PTPRD: variants seen among roughly 807,000 people sequenced by gnomAD.
The protein encoded by PTPRD is protein tyrosine phosphatase receptor type D, also known as receptor-type tyrosine-protein phosphatase delta.
Under a neutral mutation model 214.5 loss-of-function variants are expected in PTPRD, and 34 were observed. The observed-to-expected ratio is 0.16, with a 90% CI of 0.12 to 0.21. The LOEUF (loss-of-function observed/expected upper bound fraction) is 0.21, where lower values mean the gene tolerates loss of function less well. Among genes scored for constraint, PTPRD ranks in the 10% least tolerant of loss-of-function variants. The pLI is 1.00. For missense variants in PTPRD, 2,545 were observed against 2,398.7 expected, an observed-to-expected ratio of 1.06 and a Z score of -1.27; for synonymous variants, 1,128 against 845.7, an observed-to-expected ratio of 1.33 and a Z score of -5.79.
At chr9:9,869,806 G>C (rs2064965846) in intron 5 of PTPRD, among the ~76,000 whole-genome samples, 1 of 151,378 alleles carries the variant, frequency 6.6e-6, no homozygotes, top group African/African-American at 2.4e-5. Context: ...GGAAAAGAAA[G>C]GAGACATGCA....
chr9:8,677,874 G>C (rs1210163432), intron 12 of PTPRD, among the ~76,000 whole-genome samples: 2 of 152,118 alleles, frequency 1.3e-5, no homozygotes, highest in Non-Finnish European at 2.9e-5. Context: ...TAAGATTGAT[G>C]AATCAGAGGA....
chr9:8,341,842 C>T lies in PTPRD; in HGVS notation c.4798G>A (p.Asp1600Asn), dbSNP rs2132508909. The T allele has an allele frequency of 6.2e-7, 1 of 1,613,494 alleles. No homozygotes were observed. The highest frequency in any genetic ancestry group is 8.5e-7 in the Non-Finnish European group (1 of 1,179,706). ...AQRNYMVQTE[D>N]QYIFIHDALL... The stretch of plus-strand genomic sequence containing the variant: ...GCATCATGGATAAAGATGTATTGGT[C>T]TTCTGTTTGAACCATATAGTTCCTC... Residue 1600 changes from aspartate to asparagine, a missense_variant, in exon 40 of 46, where the codon GAC becomes AAC. Physicochemically the swap from Asp to Asn is conservative, Grantham distance 23. Transcript: ENST00000381196.
At chr9:10,013,426 C>G (rs2096640222) in intron 4 of PTPRD, among the ~76,000 whole-genome samples, 1 of 151,752 alleles carries the variant, frequency 6.6e-6, no homozygotes, top group South Asian at 2.1e-4. Flanking sequence ...TTTTTAAACA[C>G]TTAAGACTAT....
chr9:9,417,581 A>G (rs1221012439), intron 8 of PTPRD, among the ~76,000 whole-genome samples: 2 of 152,110 alleles, frequency 1.3e-5, no homozygotes, highest in African/African-American at 2.4e-5. Flanking sequence ...CAGGGTCTTA[A>G]AAAAATTGAA....
chr9:9,863,876 A>T (rs9299102), intron 5 of PTPRD, among the ~76,000 whole-genome samples: 2 of 151,420 alleles, frequency 1.3e-5, no homozygotes, highest in African/African-American at 4.9e-5. Flanking sequence ...GGACCCAAAG[A>T]TTTGATTGAA....
intron 5 of PTPRD, among the ~76,000 whole-genome samples, chr9:9,895,541 T>C (rs1192971546): frequency 6.6e-6 from 1 of 152,054 alleles, no homozygotes; most frequent in African/African-American, 2.4e-5. Flanking sequence ...GAAAAGTTTA[T>C]CTCATAGAAG....
At chr9:8,805,060 T>C (rs1455012377) in intron 11 of PTPRD, among the ~76,000 whole-genome samples, 1 of 152,190 alleles carries the variant, frequency 6.6e-6, no homozygotes, top group African/African-American at 2.4e-5. Flanking sequence ...CTTCATTTCA[T>C]GAGACCTGTG....
At chr9:8,640,561 C>CA (rs201282830) in intron 12 of PTPRD, among the ~76,000 whole-genome samples, 4,839 of 105,320 alleles carry the variant, frequency 0.046, 136 homozygotes, top group African/African-American at 0.11. Flanking sequence ...AACAAAAAAA[C>CA]AAAAAAAAAA....
intron 11 of PTPRD, among the ~76,000 whole-genome samples, chr9:8,837,095 C>T (rs182291640): frequency 1.3e-5 from 2 of 149,598 alleles, no homozygotes; most frequent in Non-Finnish European, 1.5e-5. Flanking sequence ...GTACGATCTC[C>T]GCTCACTCCA....
intron 14 of PTPRD, among the ~76,000 whole-genome samples, chr9:8,571,263 A>G (rs1051038140): frequency 2.0e-5 from 3 of 152,102 alleles, no homozygotes; most frequent in Non-Finnish European, 2.9e-5. Flanking sequence ...AATACTTAAG[A>G]GTTTAGGGTC....
intron 3 of PTPRD, among the ~76,000 whole-genome samples, chr9:10,335,821 C>T (rs147514143): frequency 1.9e-3 from 291 of 151,854 alleles, no homozygotes; most frequent in African/African-American, 6.6e-3. Flanking sequence ...TATATACACA[C>T]GGCAAATAAG....
intron 2 of PTPRD, among the ~76,000 whole-genome samples, chr9:10,592,492 C>T (rs1322291): frequency 0.16 from 24,250 of 151,796 alleles, 2,663 homozygotes; most frequent in East Asian, 0.56. Context: ...ACTTGGGACC[C>T]CAGCTACAGG....
At chr9:9,138,940 G>C (rs772907891) in intron 10 of PTPRD, among the ~76,000 whole-genome samples, 7 of 151,892 alleles carry the variant, frequency 4.6e-5, no homozygotes, top group African/African-American at 1.7e-4. Context: ...CTAAGTAATA[G>C]CATAATAACA....
intron 3 of PTPRD, among the ~76,000 whole-genome samples, chr9:10,321,975 C>A (rs576811540): frequency 6.6e-6 from 1 of 152,098 alleles, no homozygotes; most frequent in South Asian, 2.1e-4. Context: ...TAACTGAAAT[C>A]TTAAATATAA....
At chr9:8,663,330 G>A (rs1197270718) in intron 12 of PTPRD, among the ~76,000 whole-genome samples, 2 of 148,478 alleles carry the variant, frequency 1.3e-5, no homozygotes, top group African/African-American at 5.0e-5. Flanking sequence ...GACTCACAAG[G>A]AAAAAGCTAC....
At chr9:9,524,443 C>G (rs1036029843) in intron 8 of PTPRD, among the ~76,000 whole-genome samples, 1 of 152,256 alleles carries the variant, frequency 6.6e-6, no homozygotes, top group East Asian at 1.9e-4. Context: ...TTGCTTAATA[C>G]TAATAATGCA....
At chr9:8,365,722 C>T (rs977811881) in intron 39 of PTPRD, among the ~76,000 whole-genome samples, 2 of 152,072 alleles carry the variant, frequency 1.3e-5, no homozygotes, top group African/African-American at 4.8e-5. Context: ...TGTTTTAAAC[C>T]AAGGAATGCA....
chr9:9,290,092 C>A (rs1037280654), intron 9 of PTPRD, among the ~76,000 whole-genome samples: 1 of 151,582 alleles, frequency 6.6e-6, no homozygotes, highest in Non-Finnish European at 1.5e-5. Flanking sequence ...ACAAGGGTTC[C>A]CTTTTTTCCA....
intron 2 of PTPRD, among the ~76,000 whole-genome samples, chr9:10,491,664 G>GA (rs989219401): frequency 3.3e-5 from 5 of 150,494 alleles, no homozygotes; most frequent in Non-Finnish European, 5.9e-5. Context: ...TGCTTTTAGA[G>GA]AAAAAAGTAG....
Sources: allele counts gnomAD v4.1 joint callset (sites outside exome capture counted in the v4.1 genomes callset), GRCh38; gene constraint gnomAD v4.1.1; transcripts MANE v1.5; gene names NCBI Gene and HGNC (gene_info 2026-07-23, HGNC 2026-07-21).